LAMB2: variants seen among roughly 807,000 people sequenced by gnomAD.
LAMB2 encodes laminin subunit beta 2, also known as laminin subunit beta-2.
Under a neutral mutation model 202.7 loss-of-function variants are expected in LAMB2, and 119 were observed. The ratio of observed to expected loss-of-function variants is 0.59; its 90% CI spans 0.51 to 0.68. LAMB2 has a LOEUF of 0.68. LAMB2 is among the 30% of genes least tolerant of loss of function. The pLI is 0.00. For missense variants in LAMB2, 2,124 were observed against 2,410.6 expected, an observed-to-expected ratio of 0.88 and a Z score of 2.49; for synonymous variants, 818 against 902.2, an observed-to-expected ratio of 0.91 and a Z score of 1.67.
At chr3:49,126,546 C>T (rs2045417975) in intron 15 of LAMB2, 49 bp from the exon 16 acceptor site, 1 of 1,610,448 alleles carries the variant, frequency 6.2e-7, no homozygotes, top group Admixed American at 1.7e-5. Flanking sequence ...GGGCCCTGTA[C>T]AAATCATCTG....
chr3:49,126,636 G>C, intron 15 of LAMB2, 139 bp from the exon 16 acceptor site: 1 of 1,060,642 alleles, frequency 9.4e-7, no homozygotes, highest in Non-Finnish European at 1.4e-6. Context: ...GGCTGCGCTA[G>C]GCCAACAAAC....
At position 49,129,236 on chromosome 3, in the gene LAMB2, A is replaced by C. The variant is rs1202411139; in HGVS notation, c.1598+9T>G. 6.2e-7 allele frequency: 1 copy of C among 1,614,078 alleles called. No individual in the cohort carries two copies. The highest frequency in any genetic ancestry group is 8.5e-7 in the Non-Finnish European group (1 of 1,180,012). ...CCATCCCTTCCCAGGCCCCCTTTAC[A>C]ACACTTACTGGGGATCCAAAGCACC... On this transcript the variant is annotated intron_variant, in intron 12 of 31. Coordinates refer to ENST00000305544, the MANE Select transcript of LAMB2 (RefSeq NM_002292.4). The surrounding 1 kb of genome is among the most constrained non-coding windows in gnomAD (Gnocchi z 6.1).
In LAMB2 at chr3:49,132,877, G is replaced by A. The variant is rs773021307; in HGVS notation, c.-10C>T. ...TTGAGGTCAGCTCCATCCTGAAGAG[G>A]GGAACAGGGATAAGGGGAGGTGAAC... is the stretch of plus-strand genomic sequence containing the variant. On this transcript the variant is annotated 5_prime_UTR_variant, in exon 1 of 32. Transcript: ENST00000305544. The surrounding 1 kb of genome is among the most constrained non-coding windows in gnomAD (Gnocchi z 4.6). 2 of 1,613,502 alleles carry A rather than the reference G, an allele frequency of 1.2e-6. No individual in the cohort carries two copies. The highest frequency in any genetic ancestry group is 1.1e-5 in the South Asian group (1 of 91,078).
At position 49,123,439 on chromosome 3, in the gene LAMB2, C is replaced by CA. The variant is rs1560071697; in HGVS notation, c.3982+7dup. The stretch of plus-strand genomic sequence containing the variant: ...CTGGTCCACCTGCCTAGTTGGCTAA[C>CA]AACTCACCCAGGAAGTTTGAATGTT... On this transcript the variant is annotated splice_region_variant and intron_variant, in intron 25 of 31. Transcript: ENST00000305544. The CA allele has an allele frequency of 6.2e-7, 1 of 1,614,144 alleles. No individual in the cohort carries two copies. The highest frequency in any genetic ancestry group is 1.1e-5 in the South Asian group (1 of 91,092).
chr3:49,128,018 C>CAAAAAAAAAAAAAAAAAAAAAA (rs1156873652), intron 15 of LAMB2, among the ~76,000 whole-genome samples: 2 of 32,840 alleles, frequency 6.1e-5, no homozygotes, highest in Non-Finnish European at 1.2e-4. Flanking sequence ...GACTCCGTCT[C>CAAAAAAAAAAAAAAAAAAAAAA]AAAAAAAAAA....
In LAMB2 at chr3:49,130,526, G is replaced by C. The variant is rs994269605; in HGVS notation, c.1037-107C>G. The C allele has an allele frequency of 1.3e-5, 19 of 1,433,866 alleles. No individual in the cohort carries two copies. In the African/African-American group the frequency reaches 2.2e-4, roughly 17 times the overall value. The allele number at this position is 1,433,866 out of a possible 1,614,324, so 88.8% of individuals were successfully genotyped here. On this transcript the variant is annotated intron_variant, in intron 8 of 31. Coordinates refer to ENST00000305544, the MANE Select transcript of LAMB2 (RefSeq NM_002292.4). This position sits in a 1 kb window ranked among gnomAD's most constrained non-coding sequence, Gnocchi z 5.0. Reference sequence around the variant, plus strand: ...ATCACAGGCCAGAATTTGTGGGTAGGGGCTCAGGGACTTCAAGGCCTCAGC... The same window carrying C: ...ATCACAGGCCAGAATTTGTGGGTAGCGGCTCAGGGACTTCAAGGCCTCAGC...
In LAMB2 at chr3:49,124,418, C is replaced by G; in HGVS notation, c.3304G>C (p.Ala1102Pro). The G allele has an allele frequency of 6.2e-7, 1 of 1,613,658 alleles. No homozygotes were observed. Among genetic ancestry groups the G allele is most frequent in the Non-Finnish European group, 8.5e-7 (1 of 1,179,886 alleles). ...ACCTCGTTGCAGGTGGGGCCTCTGG[C>G]CCGGCTTGGGTGGCAGGCACAAGGC... ...CQPCACHPSR[A>P]RGPTCNEFTG... Residue 1102 changes from alanine (A) to proline (P), a missense_variant, in exon 22 of 32, where the codon GCC becomes CCC. This residue lies in a region of LAMB2 where 1,702 missense variants were observed against 1,896.3 expected (regional missense o/e 0.90). Coordinates refer to ENST00000305544, the MANE Select transcript of LAMB2 (RefSeq NM_002292.4).
At position 49,122,374 on chromosome 3, in the gene LAMB2, T is replaced by C; in HGVS notation, c.4574-4A>G. 1 of 1,612,458 alleles carries C rather than the reference T, an allele frequency of 6.2e-7. No individual in the cohort carries two copies. Among genetic ancestry groups the C allele is most frequent in the Non-Finnish European group, 8.5e-7 (1 of 1,179,442 alleles). On this transcript the variant is annotated splice_polypyrimidine_tract_variant and splice_region_variant and intron_variant, in intron 27 of 31. Coordinates refer to ENST00000305544, the MANE Select transcript of LAMB2 (RefSeq NM_002292.4). ...CTATCAGGATCAGCCCCCTCCTCTA[T>C]AGGGACACAGCAAGAACTTAAGAAC...
intron 15 of LAMB2, among the ~76,000 whole-genome samples, chr3:49,128,035 A>AAAAAG (rs1293510506): frequency 6.7e-6 from 1 of 150,022 alleles, no homozygotes; most frequent in East Asian, 1.9e-4. Context: ...AAAAAAAAAA[A>AAAAAG]AAAAGAAAAG....
Position 49,131,842 on chromosome 3 carries a change from T to G in LAMB2, c.460-119A>C, listed in dbSNP as rs2045485657. ...ATAGCTCACAGAGAGTGGGGGTGAC[T>G]GGTGGAAGCCAGATAATGACCAGCA... On this transcript the variant is annotated intron_variant, in intron 4 of 31. Transcript: ENST00000305544. This position sits in a 1 kb window ranked among gnomAD's most constrained non-coding sequence, Gnocchi z 5.0. 1 of 1,126,144 alleles carries G rather than the reference T, an allele frequency of 8.9e-7. No individual in the cohort carries two copies. Among genetic ancestry groups the G allele is most frequent in the Non-Finnish European group, 1.3e-6 (1 of 771,686 alleles). The allele number at this position is 1,126,144 out of a possible 1,614,324, so 69.8% of individuals were successfully genotyped here. A position where few individuals can be genotyped will look rare whatever the true frequency, so the allele number is the denominator to read the frequency against.
In LAMB2 at chr3:49,128,698, G is replaced by A; in HGVS notation, c.1853C>T (p.Ala618Val). ...GCGCAGCAGCAGGTCATAGTCCATA[G>A]CCTTCGGCACAGAGGCCACCAGGAA... Reference protein sequence around the residue: ...LEFLVASVPKAMDYDLLLRLE... With the variant: ...LEFLVASVPKVMDYDLLLRLE... Residue 618 changes from alanine (A) to valine (V), a missense_variant, in exon 14 of 32, where the codon GCT becomes GTT. Physicochemically the swap from Ala to Val is moderately conservative, Grantham distance 64. Around this residue, in one of 3 missense-constraint regions of LAMB2, gnomAD observed 1,702 missense variants for 1,896.3 expected, o/e 0.90. Coordinates refer to ENST00000305544, the MANE Select transcript of LAMB2 (RefSeq NM_002292.4). 6.2e-7 allele frequency: 1 copy of A among 1,614,196 alleles called. No individual in the cohort carries two copies. The highest frequency in any genetic ancestry group is 8.5e-7 in the Non-Finnish European group (1 of 1,180,044).
Position 49,132,843 on chromosome 3 carries a change from C to G in LAMB2, c.25G>C (p.Gly9Arg). The G allele has an allele frequency of 6.2e-7, 1 of 1,614,174 alleles. No homozygotes were observed. Among genetic ancestry groups the G allele is most frequent in the Non-Finnish European group, 8.5e-7 (1 of 1,180,042 alleles). The change falls in exon 1 of 32, where the codon GGG (glycine) becomes CGG (arginine). Residue 9 changes from glycine to arginine, a missense_variant. Physicochemically the swap from Gly to Arg is moderately radical, Grantham distance 125 (BLOSUM62 -2). Coordinates refer to ENST00000305544, the MANE Select transcript of LAMB2 (RefSeq NM_002292.4). The surrounding 1 kb of genome is among the most constrained non-coding windows in gnomAD (Gnocchi z 4.6). ...TCCCAGGGCAGAGGCTGTCCCCTCC[C>G]TCTTTCCCTTGAGGTCAGCTCCATC... Reference protein sequence around the residue: MELTSRERGRGQPLPWELR... With the variant: MELTSRERRRGQPLPWELR...
chr3:49,126,437 C>G lies in LAMB2; in HGVS notation c.2079G>C (p.Leu693=). 2 of 1,614,228 alleles carry G rather than the reference C, an allele frequency of 1.2e-6. No individual in the cohort carries two copies. The highest frequency in any genetic ancestry group is 1.3e-5 in the African/African-American group (1 of 75,050). ...LEPGISYKLH[L]KLVRTGGSAQ... ...CACTTCCCCCTGTCCGTACCAGCTT[C>G]AGATGCAGCTTGTAGGAGATACCAG... is the stretch of plus-strand genomic sequence containing the variant. The change falls in exon 16 of 32, where the codon CTG becomes CTC. Residue 693 remains leucine, a synonymous_variant. Transcript: ENST00000305544.
At chr3:49,124,149 G>A (rs1194521670) in intron 23 of LAMB2, 41 bp downstream of exon 23, 1 of 1,614,112 alleles carries the variant, frequency 6.2e-7, no homozygotes, top group East Asian at 2.2e-5. Flanking sequence ...GGGGCATTCT[G>A]GGAAGTCCTC....
In LAMB2 at chr3:49,122,221, GT is replaced by G; in HGVS notation, c.4722del (p.Arg1575ValfsTer3). On this transcript the variant is annotated frameshift_variant, in exon 28 of 32. Coordinates refer to ENST00000305544, the MANE Select transcript of LAMB2 (RefSeq NM_002292.4). LOFTEE classifies it high-confidence loss of function. ...GCACGACGCACATCTCCTACAGTAC[GT>G]GCCAGGATCGCATCCACATCTGCCA... ...RSLADVDAIL[A>X]RTVGDVRRAE... is the part of the protein sequence containing the mutation. 1 of 1,613,458 alleles carries G rather than the reference GT, an allele frequency of 6.2e-7. No homozygotes were observed. Among genetic ancestry groups the G allele is most frequent in the Non-Finnish European group, 8.5e-7 (1 of 1,180,040 alleles).
chr3:49,131,466 T>C lies in LAMB2; in HGVS notation c.649-24A>G. 1 of 1,613,946 alleles carries C rather than the reference T, an allele frequency of 6.2e-7. No homozygotes were observed. Among genetic ancestry groups the C allele is most frequent in the Non-Finnish European group, 8.5e-7 (1 of 1,179,918 alleles). On this transcript the variant is annotated intron_variant, in intron 5 of 31. Coordinates refer to ENST00000305544, the MANE Select transcript of LAMB2 (RefSeq NM_002292.4). The surrounding 1 kb of genome is among the most constrained non-coding windows in gnomAD (Gnocchi z 5.0). ...ACCTGGAGAAGCAGGGAGTTCATAG[T>C]CACACTGGACCTTGCCTCAGGCCCA...
intron 15 of LAMB2, among the ~76,000 whole-genome samples, chr3:49,127,020 T>C: frequency 6.6e-6 from 1 of 152,194 alleles, no homozygotes; most frequent in East Asian, 1.9e-4. Flanking sequence ...GCGGTCTCTG[T>C]TGCCCAGGAT....
Position 49,131,736 on chromosome 3 carries a change from G to A in LAMB2, c.460-13C>T, listed in dbSNP as rs943146107. On this transcript the variant is annotated splice_polypyrimidine_tract_variant and intron_variant, in intron 4 of 31. Coordinates refer to ENST00000305544, the MANE Select transcript of LAMB2 (RefSeq NM_002292.4). This position sits in a 1 kb window ranked among gnomAD's most constrained non-coding sequence, Gnocchi z 5.0. Reference sequence around the variant, plus strand: ...CAGGGCGAAATGTCTGGGTAGGGGGGCATAGCTGATCAGCAGGCACCAGGA... The same window carrying A: ...CAGGGCGAAATGTCTGGGTAGGGGGACATAGCTGATCAGCAGGCACCAGGA... 3.1e-6 allele frequency: 5 copies of A among 1,612,350 alleles called. No individual in the cohort carries two copies. Among genetic ancestry groups the A allele is most frequent in the Middle Eastern group, 1.6e-4 (1 of 6,080 alleles).
Position 49,131,061 on chromosome 3 carries a change from C to T in LAMB2, c.804G>A (p.Glu268=), listed in dbSNP as rs1461041185. 6.2e-7 allele frequency: 1 copy of T among 1,613,862 alleles called. No individual in the cohort carries two copies. The highest frequency in any genetic ancestry group is 8.5e-7 in the Non-Finnish European group (1 of 1,180,026). ...GCTCATAGAGGGCATAGTAGTACTT[C>T]TCTCGGATCTCCCTCCGTGGGTCGA... ...NLLDPRREIR[E]KYYYALYELV... is the part of the protein sequence containing the mutation. The change falls in exon 7 of 32, where the codon GAG becomes GAA. Residue 268 remains glutamate (E), a synonymous_variant. Coordinates refer to ENST00000305544, the MANE Select transcript of LAMB2 (RefSeq NM_002292.4). This position sits in a 1 kb window ranked among gnomAD's most constrained non-coding sequence, Gnocchi z 5.0.
Sources: allele counts gnomAD v4.1 joint callset (sites outside exome capture counted in the v4.1 genomes callset), GRCh38; gene constraint gnomAD v4.1.1; regional missense constraint gnomAD v4.1.1; non-coding constraint Gnocchi (gnomAD v3.1); transcripts MANE v1.5; gene names NCBI Gene and HGNC (gene_info 2026-07-23, HGNC 2026-07-21).